ACACA: variants seen among roughly 807,000 people sequenced by gnomAD.
ACACA encodes the protein acetyl-CoA carboxylase alpha, also known as acetyl-CoA carboxylase 1.
In ACACA, 103 loss-of-function variants were observed where a neutral mutation model predicts 296.1. The ratio of observed to expected loss-of-function variants is 0.35; its 90% confidence interval spans 0.30 to 0.41. The LOEUF (loss-of-function observed/expected upper bound fraction) is 0.41. Ranked by LOEUF, ACACA falls within the 10% of genes least tolerant of loss-of-function variation. The pLI is 1.00. For synonymous variants in ACACA, 953 were observed against 1,038.6 expected (o/e 0.92, Z 1.58); for missense variants, 1,554 against 2,989.7 (o/e 0.52, Z 11.20).
chr17:37,259,880 ATT>A (rs1328076559), intron 11 of ACACA, among the ~76,000 whole-genome samples: 18 of 137,752 alleles, frequency 1.3e-4, no homozygotes, highest in East Asian at 2.1e-4. Context: ...TAGAGACTAG[ATT>A]TTTTTTTTTT....
chr17:37,094,953 G>A (rs1300639335), intron 54 of ACACA, among the ~76,000 whole-genome samples: 1 of 152,268 alleles, frequency 6.6e-6, no homozygotes, highest in African/African-American at 2.4e-5. Context: ...TTCCAGCCAG[G>A]AGCTTGTACA....
chr17:37,274,581 A>G (rs2082198072), intron 8 of ACACA: 1 of 964,266 alleles, frequency 1.0e-6, no homozygotes, highest in South Asian at 4.8e-5. Flanking sequence ...ACAAAAAAAG[A>G]ACATAGCATA....
intron 15 of ACACA, among the ~76,000 whole-genome samples, chr17:37,252,321 C>G (rs1468028705): frequency 6.6e-6 from 1 of 152,170 alleles, no homozygotes; most frequent in Non-Finnish European, 1.5e-5. Flanking sequence ...AAACAACTTT[C>G]TTCTTTTCTC....
intron 1 of ACACA, among the ~76,000 whole-genome samples, chr17:37,405,798 C>T (rs2051468297): frequency 6.6e-6 from 1 of 151,116 alleles, no homozygotes; most frequent in African/African-American, 2.4e-5. Context: ...GTGATCCGCC[C>T]GCCTCGGCCT....
chr17:37,309,079 G>A (rs1211456571), intron 3 of ACACA, among the ~76,000 whole-genome samples: 1 of 152,096 alleles, frequency 6.6e-6, no homozygotes, highest in Admixed American at 6.5e-5. Flanking sequence ...GAGTACAGTA[G>A]CATGATCATA....
At chr17:37,356,620 C>T (rs1336040867) in intron 1 of ACACA, among the ~76,000 whole-genome samples, 2 of 151,986 alleles carry the variant, frequency 1.3e-5, no homozygotes, top group African/African-American at 4.8e-5. Flanking sequence ...CCTTGTGATT[C>T]GCCAGCCTCG....
At position 37,207,794 on chromosome 17, in the gene ACACA, G is replaced by T. The variant is rs1389358046; in HGVS notation, c.3714C>A (p.Ser1238=). 2.5e-6 allele frequency: 4 copies of T among 1,613,884 alleles called. No homozygotes were observed. Among genetic ancestry groups the T allele is most frequent in the Non-Finnish European group, 3.4e-6 (4 of 1,179,784 alleles). ...RGNIPTLNRM[S]FSSNLNHYGM... is the part of the protein sequence containing the mutation. ...CATAGTGGTTGAGGTTGGAGGAGAAGGACATTCTAAATGGTAATTCAATCA... is the reference window on the plus strand; with the variant it reads ...CATAGTGGTTGAGGTTGGAGGAGAATGACATTCTAAATGGTAATTCAATCA... The change falls in exon 31 of 56, where the codon TCC becomes TCA. Residue 1238 remains serine (S), a synonymous_variant. Coordinates refer to ENST00000616317, the MANE Select transcript of ACACA (RefSeq NM_198834.3).
intron 1 of ACACA, among the ~76,000 whole-genome samples, chr17:37,349,898 T>G (rs1049702303): frequency 1.1e-4 from 16 of 152,136 alleles, no homozygotes; most frequent in Admixed American, 7.9e-4. Flanking sequence ...AAAGTATCTT[T>G]ACAATGGAGA....
chr17:37,294,119 T>TC (rs1391017036), intron 3 of ACACA, among the ~76,000 whole-genome samples: 2 of 151,400 alleles, frequency 1.3e-5, no homozygotes, highest in East Asian at 3.9e-4. Flanking sequence ...TTACTCTCAT[T>TC]CGTTGAAAAA....
intron 29 of ACACA, among the ~76,000 whole-genome samples, chr17:37,214,688 G>A (rs543868098): frequency 1.3e-5 from 2 of 152,248 alleles, no homozygotes; most frequent in African/African-American, 2.4e-5. Context: ...GCTGAGCCAC[G>A]GATACAGGAA....
rs1477588021 is a variant in ACACA at position 37,173,980 on chromosome 17, ATT to A, written c.5079+5278_5079+5279del. 2.0e-3 allele frequency among the ~76,000 whole-genome samples: 85 copies of A among 41,912 alleles called. 1 individual carries two copies. Among genetic ancestry groups the A allele is most frequent in the African/African-American group, 8.2e-3 (83 of 10,066 alleles). 27.5% of individuals were successfully genotyped at this position (41,912 alleles called of 152,430 possible). On this transcript the variant is annotated intron_variant, in intron 41 of 55. Transcript: ENST00000616317. ...AGGCGCCTGCCAACACGCCTGGCTA[ATT>A]TATATATATATATATATATATATAT...
chr17:37,135,367 G>A (rs1254457354), intron 45 of ACACA, among the ~76,000 whole-genome samples: 4 of 152,180 alleles, frequency 2.6e-5, no homozygotes, highest in Non-Finnish European at 5.9e-5. Context: ...TGGAGTGCTG[G>A]CTGGCAGGTG....
chr17:37,280,989 C>G (rs539730336), intron 5 of ACACA, among the ~76,000 whole-genome samples: 7 of 152,072 alleles, frequency 4.6e-5, no homozygotes, highest in Non-Finnish European at 1.0e-4. Flanking sequence ...TTCTCTCCCC[C>G]CAATTGCTTC....
chr17:37,200,442 G>A lies in ACACA; in HGVS notation c.4098C>T (p.Phe1366=). The change falls in exon 34 of 56, where the codon TTC becomes TTT. Residue 1366 remains phenylalanine, a synonymous_variant. Transcript: ENST00000616317. The part of the protein sequence containing the change: ...LVDHGIRRLT[F]LVAQKDFRKQ... ...ATGTCAGTACCTTTTGTGCAACCAGGAAAGTAAGGCGCCGGATCCCATGGT... is the reference window on the plus strand; with the variant it reads ...ATGTCAGTACCTTTTGTGCAACCAGAAAAGTAAGGCGCCGGATCCCATGGT... 1 of 1,613,094 alleles carries A rather than the reference G, an allele frequency of 6.2e-7. No homozygotes were observed. The highest frequency in any genetic ancestry group is 2.2e-5 in the East Asian group (1 of 44,858).
intron 55 of ACACA, 118 bp from the exon 56 acceptor site, chr17:37,087,557 G>A (rs1567639543): frequency 4.9e-6 from 6 of 1,233,384 alleles, no homozygotes; most frequent in African/African-American, 1.5e-5. Context: ...TTTTAGTCAC[G>A]CCTCACCTTA....
chr17:37,401,777 C>G (rs1268142531), intron 1 of ACACA, among the ~76,000 whole-genome samples: 2 of 152,058 alleles, frequency 1.3e-5, no homozygotes, highest in Admixed American at 6.6e-5. Context: ...CCAGTTTAGT[C>G]TCGAACTCCT....
At chr17:37,238,933 C>T (rs1304930308) in intron 24 of ACACA, among the ~76,000 whole-genome samples, 1 of 152,132 alleles carries the variant, frequency 6.6e-6, no homozygotes, top group Admixed American at 6.6e-5. Context: ...CTCAGGCAAT[C>T]CTCTTGTTTC....
chr17:37,190,603 G>A (rs781696521), intron 38 of ACACA, among the ~76,000 whole-genome samples: 5 of 152,194 alleles, frequency 3.3e-5, no homozygotes, highest in South Asian at 2.1e-4. Context: ...CATAATACAT[G>A]AGAAATTCCT....
At chr17:37,251,244 C>T (rs888458982) in intron 16 of ACACA, among the ~76,000 whole-genome samples, 8 of 152,028 alleles carry the variant, frequency 5.3e-5, no homozygotes, top group Non-Finnish European at 1.0e-4. Context: ...AAAGTCACGC[C>T]AAGGGATTTA....
Sources: gnomAD v4.1 joint callset for allele counts (sites outside exome capture counted in the v4.1 genomes callset) on GRCh38, gnomAD v4.1.1 for gene constraint, MANE v1.5 for transcripts, NCBI Gene and HGNC (gene_info 2026-07-23, HGNC 2026-07-21) for gene names.